ABCC9: variants seen among roughly 807,000 people sequenced by gnomAD.
ABCC9 encodes the protein ATP-binding cassette sub-family C member 9.
A neutral mutation model predicts 188.3 loss-of-function variants in ABCC9; 95 were observed. The ratio of observed to expected loss-of-function variants is 0.50; its 90% CI spans 0.43 to 0.60. The LOEUF (loss-of-function observed/expected upper bound fraction) is 0.60. Among genes scored for constraint, ABCC9 ranks in the 20% least tolerant of loss-of-function variants. The pLI, the probability that ABCC9 is intolerant of heterozygous loss-of-function variation, is 0.00. For missense variants in ABCC9, 1,102 were observed against 1,876.3 expected (o/e 0.59, Z 7.62); for synonymous variants, 659 against 652.7 (o/e 1.01, Z -0.15).
At chr12:21,847,754 C>T (rs944980570) in intron 25 of ABCC9, among the ~76,000 whole-genome samples, 4 of 152,084 alleles carry the variant, frequency 2.6e-5, no homozygotes, top group Admixed American at 1.3e-4. Flanking sequence ...CTGAATGAAT[C>T]AAATACAGCT....
At position 21,864,450 on chromosome 12, in the gene ABCC9, T is replaced by C; in HGVS notation, c.2226A>G (p.Glu742=). 6.3e-7 allele frequency: 1 copy of C among 1,589,986 alleles called. No homozygotes were observed. Among genetic ancestry groups the C allele is most frequent in the Non-Finnish European group, 8.6e-7 (1 of 1,158,302 alleles). ...SNVNESEPSF[E]ATRSRNRYSV... is the part of the protein sequence containing the mutation. ...AATAGAAATAATACCTTCTGGTTGC[T>C]TCAAAAGAAGGCTCAGATTCATTTA... Residue 742 remains glutamate (E), a synonymous_variant, in exon 19 of 40, where the codon GAA becomes GAG. Coordinates refer to ENST00000261200, the MANE Select transcript of ABCC9 (RefSeq NM_020297.4).
chr12:21,824,390 T>G (rs829075), intron 31 of ABCC9, among the ~76,000 whole-genome samples: 4,828 of 152,280 alleles, frequency 0.032, 245 homozygotes, highest in African/African-American at 0.11. Context: ...GGATTCAGTT[T>G]GCCAGTATTT....
At chr12:21,864,214 TGTGACTCAGTGA>T (rs1326048305) in intron 19 of ABCC9, among the ~76,000 whole-genome samples, 3 of 152,152 alleles carry the variant, frequency 2.0e-5, no homozygotes, top group Non-Finnish European at 4.4e-5. Flanking sequence ...TTGGGACACG[TGTGACTCAGTGA>T]GAGGAAAACA....
At chr12:21,909,611 T>G (rs1280790221) in intron 10 of ABCC9, among the ~76,000 whole-genome samples, 1 of 152,024 alleles carries the variant, frequency 6.6e-6, no homozygotes, top group African/African-American at 2.4e-5. Context: ...TACCATTTTA[T>G]GCAGTTTGAC....
chr12:21,883,442 C>T (rs1219838168), intron 15 of ABCC9, among the ~76,000 whole-genome samples: 1 of 152,196 alleles, frequency 6.6e-6, no homozygotes, highest in Non-Finnish European at 1.5e-5. Flanking sequence ...TGTGCCTTTG[C>T]TTCTCCTTTG....
intron 16 of ABCC9, among the ~76,000 whole-genome samples, chr12:21,878,045 T>C (rs929114158): frequency 2.6e-5 from 4 of 152,010 alleles, no homozygotes; most frequent in Non-Finnish European, 4.4e-5. Flanking sequence ...ATTAAAGGCT[T>C]GAGAAAACTT....
chr12:21,800,342 T>C lies in ABCC9; in HGVS notation c.*702A>G, dbSNP rs1941369819. 2 of 152,212 alleles carry C rather than the reference T, an allele frequency of 1.3e-5. No homozygotes were observed. The highest frequency in any genetic ancestry group is 1.3e-4 in the Admixed American group (2 of 15,258). 9.4% of individuals were successfully genotyped at this position (152,212 alleles called of 1,614,324 possible). A position where few individuals can be genotyped will look rare whatever the true frequency, so the allele number is the denominator to read the frequency against. On this transcript the variant is annotated 3_prime_UTR_variant, in exon 40 of 40. Coordinates refer to ENST00000261200, the MANE Select transcript of ABCC9 (RefSeq NM_020297.4). ...TGAACTTCAGTCTGGAAAAGGTACATACATTATGCCTGATATCTTAAGAAT... is the reference window on the plus strand; with the variant it reads ...TGAACTTCAGTCTGGAAAAGGTACACACATTATGCCTGATATCTTAAGAAT...
chr12:21,915,514 A>ATATTTTTTTTT, intron 7 of ABCC9, among the ~76,000 whole-genome samples, 154 bp downstream of exon 7: 321 of 3,516 alleles, frequency 0.091, 69 homozygotes, highest in Non-Finnish European at 0.12. Flanking sequence ...ATATATATAT[A>ATATTTTTTTTT]TTTTTTTTTT....
chr12:21,880,285 A>G (rs1405174768), intron 16 of ABCC9, among the ~76,000 whole-genome samples: 1 of 152,200 alleles, frequency 6.6e-6, no homozygotes, highest in Non-Finnish European at 1.5e-5. Context: ...GTGTAGCTTC[A>G]AAGCTTTTAG....
At position 21,838,179 on chromosome 12, in the gene ABCC9, G is replaced by T; in HGVS notation, c.3474-9C>A. 1 of 1,588,710 alleles carries T rather than the reference G, an allele frequency of 6.3e-7. No homozygotes were observed. Among genetic ancestry groups the T allele is most frequent in the Non-Finnish European group, 8.6e-7 (1 of 1,156,892 alleles). On this transcript the variant is annotated splice_polypyrimidine_tract_variant and intron_variant, in intron 29 of 39. Transcript: ENST00000261200. ...CAAGTTCCTGGAGGTCCCTAGTAGAGAGAGGGGCAAAAATAAACTTCATGT... is the reference window on the plus strand; with the variant it reads ...CAAGTTCCTGGAGGTCCCTAGTAGATAGAGGGGCAAAAATAAACTTCATGT...
chr12:21,853,474 A>ATT (rs892291255), intron 22 of ABCC9, among the ~76,000 whole-genome samples: 4 of 152,194 alleles, frequency 2.6e-5, no homozygotes, highest in Admixed American at 2.6e-4. Context: ...TATTATTATT[A>ATT]TTATATATAA....
At chr12:21,850,597 A>G (rs1194012911) in intron 24 of ABCC9, among the ~76,000 whole-genome samples, 1 of 152,134 alleles carries the variant, frequency 6.6e-6, no homozygotes, top group African/African-American at 2.4e-5. Context: ...TTCATTTCTA[A>G]ATACAACTTA....
intron 7 of ABCC9, among the ~76,000 whole-genome samples, 170 bp downstream of exon 7, chr12:21,915,498 G>GTATATATATATA (rs1338146740): frequency 3.4e-4 from 3 of 8,908 alleles, no homozygotes; most frequent in African/African-American, 5.0e-4. Flanking sequence ...GTGTGTGTGT[G>GTATATATATATA]TGTATATATA....
chr12:21,905,133 A>G (rs936405218), intron 12 of ABCC9, among the ~76,000 whole-genome samples: 1 of 152,188 alleles, frequency 6.6e-6, no homozygotes, highest in Non-Finnish European at 1.5e-5. Flanking sequence ...GACATGGATG[A>G]AGCTGGAAAC....
At chr12:21,863,243 T>C (rs1232661430) in intron 19 of ABCC9, among the ~76,000 whole-genome samples, 189 bp from the exon 20 acceptor site, 2 of 108,468 alleles carry the variant, frequency 1.8e-5, no homozygotes, top group Admixed American at 1.8e-4. Context: ...GCCACCTAAA[T>C]TAAAGGGATT....
chr12:21,903,171 G>T (rs1229937553), intron 12 of ABCC9, among the ~76,000 whole-genome samples: 1 of 152,032 alleles, frequency 6.6e-6, no homozygotes, highest in Non-Finnish European at 1.5e-5. Flanking sequence ...CAGAACCAAA[G>T]ACAAAAACCA....
chr12:21,916,843 A>G, intron 6 of ABCC9, 94 bp downstream of exon 6: 5 of 1,140,012 alleles, frequency 4.4e-6, no homozygotes, highest in Non-Finnish European at 6.2e-6. Context: ...ACATGTGTTC[A>G]TCCTTGTCAA....
At chr12:21,809,801 G>A in intron 37 of ABCC9, 51 bp downstream of exon 37, 1 of 1,065,018 alleles carries the variant, frequency 9.4e-7, no homozygotes, top group Non-Finnish European at 1.5e-6. Flanking sequence ...ATAGACATAT[G>A]TAGGATTAAT....
At chr12:21,805,273 T>C in intron 39 of ABCC9, 1 of 1,613,708 alleles carries the variant, frequency 6.2e-7, no homozygotes, top group Non-Finnish European at 8.5e-7. Context: ...CAGAAAAGAC[T>C]AAAACAAGGC....
Sources: gnomAD v4.1 joint callset for allele counts (sites outside exome capture counted in the v4.1 genomes callset) on GRCh38, gnomAD v4.1.1 for gene constraint, MANE v1.5 for transcripts, NCBI Gene and HGNC (gene_info 2026-07-23, HGNC 2026-07-21) for gene names.